Variants in TEX36 observed in about 807,000 individuals in gnomAD.
TEX36 encodes testis expressed 36.
Under a neutral mutation model 13.6 loss-of-function variants are expected in TEX36, and 12 were observed. The observed-to-expected ratio is 0.88, with a 90% CI of 0.56 to 1.43. The LOEUF is 1.43. Among genes scored for constraint, TEX36 ranks in the 40% most tolerant of loss-of-function variants. The probability of loss-of-function intolerance (pLI) is 0.00; values close to 1 mark genes in which losing one functional copy is unlikely to be tolerated. For missense variants in TEX36, 224 were observed against 228.3 expected (o/e 0.98, Z 0.12); for synonymous variants, 93 against 83.0 (o/e 1.12, Z -0.65).
chr10:125,676,176 A>G (rs1367679139), intron 1 of TEX36, among the ~76,000 whole-genome samples: 1 of 152,210 alleles, frequency 6.6e-6, no homozygotes, highest in Non-Finnish European at 1.5e-5. Context: ...TGGTTGAGTT[A>G]CTGTCTAGAT....
rs560893281 is a variant in TEX36, at chr10:125,627,486, A to G, written c.265-5841T>C. Among the ~76,000 whole-genome samples the G allele has an allele frequency of 2.0e-4, 30 of 152,320 alleles. No homozygotes were observed. In the East Asian group the frequency reaches 5.2e-3, roughly 26 times the overall value. ...TAAAGTCATTCAGAAAAAAAAATCT[A>G]TTAACTTAAGTTCTTGAAAGCATGT... On this transcript the variant is annotated intron_variant, in intron 3 of 3. Coordinates refer to the TEX36 transcript ENST00000526819.
At chr10:125,622,316 A>G (rs572982169) in intron 3 of TEX36, among the ~76,000 whole-genome samples, 1 of 152,382 alleles carries the variant, frequency 6.6e-6, no homozygotes, top group African/African-American at 2.4e-5. Flanking sequence ...ATGATAAAGG[A>G]AAAAGAAAAG....
At chr10:125,635,182 TCCA>T (rs1463673557) in intron 3 of TEX36, among the ~76,000 whole-genome samples, 1 of 152,154 alleles carries the variant, frequency 6.6e-6, no homozygotes, top group Admixed American at 6.5e-5. Flanking sequence ...AGAAGCAGGC[TCCA>T]CCACATTGCT....
intron 3 of TEX36, among the ~76,000 whole-genome samples, chr10:125,639,618 G>T (rs1846660436): frequency 6.7e-6 from 1 of 149,610 alleles, no homozygotes; most frequent in Non-Finnish European, 1.5e-5. Context: ...GGTGGGGGAA[G>T]CTGAGGGTGG....
intron 3 of TEX36, among the ~76,000 whole-genome samples, chr10:125,636,449 C>A (rs566219666): frequency 6.7e-6 from 1 of 148,332 alleles, no homozygotes; most frequent in East Asian, 2.0e-4. Flanking sequence ...CTCCTGACCT[C>A]GTGATCCACC....
intron 3 of TEX36, among the ~76,000 whole-genome samples, chr10:125,591,559 G>A (rs970844996): frequency 2.6e-5 from 4 of 152,194 alleles, no homozygotes; most frequent in Admixed American, 2.0e-4. Flanking sequence ...CTATGTGTGT[G>A]TACACATGCT....
Position 125,664,759 on chromosome 10 carries a change from C to G in TEX36, c.52-2782G>C. 2.0e-5 allele frequency among the ~76,000 whole-genome samples: 3 copies of G among 152,252 alleles called. No individual in the cohort carries two copies. The Middle Eastern group carries it at 0.01, about 518-fold the overall frequency. On this transcript the variant is annotated intron_variant, in intron 1 of 3. Transcript: ENST00000368821. ...TAAACCTCTTTTCTTTATAAATTACCAGTCTCAGGTAGTCCTTTATAGCAG... is the reference window on the plus strand; with the variant it reads ...TAAACCTCTTTTCTTTATAAATTACGAGTCTCAGGTAGTCCTTTATAGCAG...
intron 3 of TEX36, among the ~76,000 whole-genome samples, chr10:125,657,030 C>T (rs1589777488): frequency 6.6e-6 from 1 of 151,874 alleles, no homozygotes; most frequent in East Asian, 1.9e-4. Context: ...CTCTCAGCAC[C>T]TTACGTGCGA....
chr10:125,667,788 T>C (rs1847147553), intron 1 of TEX36: 3 of 1,017,688 alleles, frequency 2.9e-6, no homozygotes, highest in Non-Finnish European at 3.0e-6. Context: ...AAGCGCCAGT[T>C]CTCTTTGGTG....
chr10:125,648,923 T>C (rs1480885644), intron 3 of TEX36, among the ~76,000 whole-genome samples: 2 of 152,136 alleles, frequency 1.3e-5, no homozygotes, highest in African/African-American at 2.4e-5. Context: ...GAAGATCAAA[T>C]GAATGAAATG....
At chr10:125,582,002 G>T (rs878922539) in intron 3 of TEX36, among the ~76,000 whole-genome samples, 2 of 152,228 alleles carry the variant, frequency 1.3e-5, no homozygotes, top group Admixed American at 6.5e-5. Flanking sequence ...AGTGACGCAT[G>T]GTCTTAGGGG....
At chr10:125,643,613 G>A (rs1299593621) in intron 3 of TEX36, among the ~76,000 whole-genome samples, 1 of 152,038 alleles carries the variant, frequency 6.6e-6, no homozygotes, top group African/African-American at 2.4e-5. Context: ...TTGGTGGCGG[G>A]TGCCTGTAAT....
intron 3 of TEX36, among the ~76,000 whole-genome samples, chr10:125,637,632 G>A (rs1846637657): frequency 6.6e-6 from 1 of 151,976 alleles, no homozygotes; most frequent in South Asian, 2.1e-4. Context: ...GTCAGCCCTG[G>A]CTGACCCTAG....
intron 1 of TEX36, among the ~76,000 whole-genome samples, chr10:125,663,982 C>T (rs1015505760): frequency 2.6e-5 from 4 of 152,084 alleles, no homozygotes; most frequent in African/African-American, 9.7e-5. Context: ...ATTTTCCATC[C>T]CCATGTCCCT....
At chr10:125,600,010 A>T (rs574755950) in intron 3 of TEX36, among the ~76,000 whole-genome samples, 2 of 152,224 alleles carry the variant, frequency 1.3e-5, no homozygotes, top group African/African-American at 4.8e-5. Context: ...TCATTTCAGG[A>T]TTGGCTGTCT....
At chr10:125,677,299 C>A (rs958433007) in intron 1 of TEX36, among the ~76,000 whole-genome samples, 3 of 152,128 alleles carry the variant, frequency 2.0e-5, no homozygotes, top group Admixed American at 1.3e-4. Context: ...GTTTTCTAAT[C>A]TTTTCTTTGT....
chr10:125,681,551 G>T (rs1373583168), intron 1 of TEX36, among the ~76,000 whole-genome samples: 1 of 152,132 alleles, frequency 6.6e-6, no homozygotes, highest in Non-Finnish European at 1.5e-5. Flanking sequence ...TATAATCCTG[G>T]AAATATACCT....
intron 1 of TEX36, among the ~76,000 whole-genome samples, chr10:125,669,514 G>A (rs2133604964): frequency 6.6e-6 from 1 of 150,532 alleles, no homozygotes; most frequent in East Asian, 1.9e-4. Flanking sequence ...GGCTTTTGCT[G>A]TATCCCAAAG....
At chr10:125,658,218 G>A (rs1846977794) in intron 3 of TEX36, among the ~76,000 whole-genome samples, 2 of 151,794 alleles carry the variant, frequency 1.3e-5, no homozygotes, top group South Asian at 4.2e-4. Flanking sequence ...CAAAGGAATG[G>A]CCCATAACAT....
Sources: gnomAD v4.1 joint callset for allele counts (sites outside exome capture counted in the v4.1 genomes callset) on GRCh38, gnomAD v4.1.1 for gene constraint, MANE v1.5 for transcripts, NCBI Gene and HGNC (gene_info 2026-07-23, HGNC 2026-07-21) for gene names.